PCDHA1: variants seen among roughly 807,000 people sequenced by gnomAD.
PCDHA1 encodes protocadherin alpha 1.
Under a neutral mutation model 61.3 loss-of-function variants are expected in PCDHA1, and 42 were observed. That is an observed-to-expected ratio of 0.69 (90% CI 0.54 to 0.89). PCDHA1 has a LOEUF of 0.89. PCDHA1 is among the 40% of genes least tolerant of loss of function. The pLI is 0.00. For synonymous variants in PCDHA1, 610 were observed against 553.8 expected (o/e 1.10, Z -1.43); for missense variants, 1,256 against 1,235.3 (o/e 1.02, Z -0.25).
At chr5:140,927,343 G>T (rs2084109180) in intron 1 of PCDHA1, 2 of 1,614,016 alleles carry the variant, frequency 1.2e-6, no homozygotes, top group East Asian at 4.5e-5. Flanking sequence ...TGCCCAAGAT[G>T]ACGACGAGGG....
At chr5:141,009,147 C>A (rs1193433198) in intron 3 of PCDHA1, among the ~76,000 whole-genome samples, 1 of 152,332 alleles carries the variant, frequency 6.6e-6, no homozygotes, top group Admixed American at 6.5e-5. Flanking sequence ...AACCTGCCCT[C>A]TTGCTTGTCT....
rs782162369 is a variant in PCDHA1, at chr5:140,787,338, C to T, written c.1048C>T (p.Leu350=). Residue 350 remains leucine (L), a synonymous_variant, in exon 1 of 4, where the codon CTG becomes TTG. Coordinates refer to ENST00000504120, the MANE Select transcript of PCDHA1 (RefSeq NM_018900.4). ...VLDVNDNAPE[L]AVTSLYLPIR... is the part of the protein sequence containing the mutation. ...GGATGTAAATGATAATGCTCCAGAACTGGCGGTCACTTCATTGTATTTGCC... is the reference window on the plus strand; with the variant it reads ...GGATGTAAATGATAATGCTCCAGAATTGGCGGTCACTTCATTGTATTTGCC... The T allele has an allele frequency of 1.6e-5, 26 of 1,614,088 alleles. No homozygotes were observed. The highest frequency in any genetic ancestry group is 1.5e-4 in the Admixed American group (9 of 60,006).
chr5:140,855,185 T>C (rs1184210889), intron 1 of PCDHA1, among the ~76,000 whole-genome samples: 3 of 149,814 alleles, frequency 2.0e-5, no homozygotes, highest in African/African-American at 7.3e-5. Flanking sequence ...TGTGGCCAAA[T>C]TGAGGCCTGA....
chr5:140,976,888 A>G (rs1050816491), intron 1 of PCDHA1, among the ~76,000 whole-genome samples: 1 of 152,218 alleles, frequency 6.6e-6, no homozygotes, highest in African/African-American at 2.4e-5. Context: ...ATTAGGATAC[A>G]TGCAACAGTA....
At chr5:140,822,393 A>G in intron 1 of PCDHA1, 1 of 1,614,138 alleles carries the variant, frequency 6.2e-7, no homozygotes, top group Non-Finnish European at 8.5e-7. Flanking sequence ...AAACACAAGA[A>G]CACCGTTTAT....
chr5:140,877,531 G>C, intron 1 of PCDHA1: 1 of 1,613,792 alleles, frequency 6.2e-7, no homozygotes, highest in Non-Finnish European at 8.5e-7. Context: ...AGTGGGCGCT[G>C]TGGATCCCGA....
chr5:140,929,736 T>A, intron 1 of PCDHA1: 1 of 201,874 alleles, frequency 5.0e-6, no homozygotes, highest in Non-Finnish European at 1.1e-5. Context: ...CTTAAACTAT[T>A]GCAATGCATT....
intron 3 of PCDHA1, among the ~76,000 whole-genome samples, chr5:141,003,801 A>T (rs1554259323): frequency 1.3e-5 from 2 of 152,172 alleles, no homozygotes; most frequent in African/African-American, 4.8e-5. Context: ...ATTGGGTTGT[A>T]ATCTGTAGTC....
intron 1 of PCDHA1, among the ~76,000 whole-genome samples, chr5:140,878,522 C>A (rs1237264420): frequency 6.6e-6 from 1 of 152,072 alleles, no homozygotes; most frequent in Non-Finnish European, 1.5e-5. Flanking sequence ...AGTTGGTAAC[C>A]AACTGTGGCT....
At chr5:140,828,434 C>T in intron 1 of PCDHA1, 3 of 1,614,258 alleles carry the variant, frequency 1.9e-6, no homozygotes, top group South Asian at 2.2e-5. Context: ...CAGGCCGCTG[C>T]AGGTTTTCCA....
intron 1 of PCDHA1, among the ~76,000 whole-genome samples, chr5:140,932,460 A>G (rs1275552236): frequency 6.6e-6 from 1 of 151,902 alleles, no homozygotes; most frequent in Non-Finnish European, 1.5e-5. Flanking sequence ...TTGCCAGGGT[A>G]TATAGGAAAT....
chr5:140,941,874 A>C (rs1554214738), intron 1 of PCDHA1, among the ~76,000 whole-genome samples: 1 of 152,222 alleles, frequency 6.6e-6, no homozygotes, highest in African/African-American at 2.4e-5. Context: ...GAGTTCTATC[A>C]CCAGTGACTA....
chr5:140,995,184 T>G (rs1382886542), intron 3 of PCDHA1, among the ~76,000 whole-genome samples: 3 of 152,168 alleles, frequency 2.0e-5, no homozygotes, highest in African/African-American at 7.2e-5. Flanking sequence ...GCACCTATGA[T>G]AAAGTTTAAT....
chr5:140,895,867 A>C (rs1212053221), intron 1 of PCDHA1, among the ~76,000 whole-genome samples: 1 of 152,154 alleles, frequency 6.6e-6, no homozygotes, highest in Non-Finnish European at 1.5e-5. Context: ...GCTGGAGTGC[A>C]ATGGCGCGAT....
intron 1 of PCDHA1, among the ~76,000 whole-genome samples, chr5:140,977,448 C>G (rs1265708365): frequency 6.6e-6 from 1 of 152,212 alleles, no homozygotes; most frequent in African/African-American, 2.4e-5. Flanking sequence ...ATAATGGAAA[C>G]TCCTTTGATT....
intron 1 of PCDHA1, chr5:140,850,860 C>T (rs2150500728): frequency 6.3e-7 from 1 of 1,593,350 alleles, no homozygotes; most frequent in Non-Finnish European, 8.6e-7. Flanking sequence ...AACGGGAGAA[C>T]CCTCTGCTTC....
Position 140,787,619 on chromosome 5 carries a change from G to C in PCDHA1, c.1329G>C (p.Val443=). 1 of 1,614,100 alleles carries C rather than the reference G, an allele frequency of 6.2e-7. No individual in the cohort carries two copies. Among genetic ancestry groups the C allele is most frequent in the Non-Finnish European group, 8.5e-7 (1 of 1,179,986 alleles). The part of the protein sequence containing the change: ...PSLWATARVS[V]EVADVNDNAP... The stretch of plus-strand genomic sequence containing the variant: ...TGTGGGCCACGGCCAGGGTGTCCGT[G>C]GAGGTGGCCGACGTGAATGACAACG... The change falls in exon 1 of 4, where the codon GTG becomes GTC. Residue 443 remains valine (V), a synonymous_variant. Transcript: ENST00000504120.
intron 1 of PCDHA1, among the ~76,000 whole-genome samples, chr5:140,838,775 A>T (rs1233397292): frequency 2.0e-5 from 3 of 151,986 alleles, no homozygotes; most frequent in Non-Finnish European, 4.4e-5. Context: ...TTGTAAAATT[A>T]GCTATGCATG....
At chr5:140,899,654 GTC>G (rs1197760857) in intron 1 of PCDHA1, among the ~76,000 whole-genome samples, 4 of 152,276 alleles carry the variant, frequency 2.6e-5, no homozygotes, top group African/African-American at 9.6e-5. Context: ...ATTTGGTTGT[GTC>G]TCTGCCCGGC....
Sources: allele counts gnomAD v4.1 joint callset (sites outside exome capture counted in the v4.1 genomes callset), GRCh38; gene constraint gnomAD v4.1.1; transcripts MANE v1.5; gene names NCBI Gene and HGNC (gene_info 2026-07-23, HGNC 2026-07-21).